SLC44A5: variants seen among roughly 807,000 people sequenced by gnomAD.
The protein encoded by SLC44A5 is solute carrier family 44 member 5.
A neutral mutation model predicts 101.8 loss-of-function variants in SLC44A5; 57 were observed. The observed-to-expected ratio is 0.56, with a 90% confidence interval of 0.45 to 0.70. The LOEUF (loss-of-function observed/expected upper bound fraction) is 0.70. SLC44A5 is among the 30% of genes least tolerant of loss of function. The pLI is 0.00. For synonymous variants in SLC44A5, 281 were observed against 290.9 expected (o/e 0.97, Z 0.35); for missense variants, 737 against 853.1 (o/e 0.86, Z 1.70).
chr1:75,238,430 A>G, intron 10 of SLC44A5, 83 bp downstream of exon 10: 1 of 728,904 alleles, frequency 1.4e-6, no homozygotes, highest in Non-Finnish European at 2.0e-6. Flanking sequence ...ATTTTCCTAT[A>G]ACCCTTAACC....
At chr1:75,280,607 T>C (rs1652455032) in intron 5 of SLC44A5, among the ~76,000 whole-genome samples, 1 of 149,516 alleles carries the variant, frequency 6.7e-6, no homozygotes, top group Admixed American at 6.9e-5. Context: ...AATCTCATCT[T>C]GAATTGTTAT....
the SLC44A5 span, among the ~76,000 whole-genome samples, chr1:75,697,061 A>G: frequency 6.6e-6 from 1 of 152,184 alleles, no homozygotes; most frequent in Non-Finnish European, 1.5e-5. Flanking sequence ...AGCTCATCAA[A>G]ATATGAGCCT....
At chr1:75,518,537 G>T (rs1236708186) in intron 2 of SLC44A5, among the ~76,000 whole-genome samples, 8 of 152,072 alleles carry the variant, frequency 5.3e-5, no homozygotes, top group African/African-American at 1.9e-4. Context: ...GTACTCAATA[G>T]ATGTTGCTAA....
chr1:75,413,162 C>T (rs1913119), intron 2 of SLC44A5, among the ~76,000 whole-genome samples: 5,032 of 152,050 alleles, frequency 0.033, 284 homozygotes, highest in African/African-American at 0.12. Context: ...CTTACTGTGC[C>T]TAATTTATGA....
chr1:75,601,891 A>C (rs950685659), intron 1 of SLC44A5, among the ~76,000 whole-genome samples: 5 of 152,166 alleles, frequency 3.3e-5, no homozygotes, highest in Non-Finnish European at 5.9e-5. Flanking sequence ...CAAAACAAAC[A>C]AAAACTCAAT....
chr1:75,292,363 C>T (rs141873367), intron 5 of SLC44A5, among the ~76,000 whole-genome samples: 188 of 152,220 alleles, frequency 1.2e-3, no homozygotes, highest in African/African-American at 4.2e-3. Context: ...ACATGTAATA[C>T]TCATTAACAT....
At chr1:75,236,777 G>T (rs116331078) in intron 11 of SLC44A5, among the ~76,000 whole-genome samples, 3,359 of 152,012 alleles carry the variant, frequency 0.022, 102 homozygotes, top group African/African-American at 0.071. Flanking sequence ...TTTACACTCT[G>T]CCAACAGTGG....
intron 1 of SLC44A5, among the ~76,000 whole-genome samples, chr1:75,580,634 T>C (rs1035137300): frequency 6.6e-6 from 1 of 151,394 alleles, no homozygotes; most frequent in Non-Finnish European, 1.5e-5. Flanking sequence ...AGACCAGGAG[T>C]TCGAGACCAG....
At chr1:75,383,561 A>G (rs1421869472) in intron 3 of SLC44A5, among the ~76,000 whole-genome samples, 2 of 152,162 alleles carry the variant, frequency 1.3e-5, no homozygotes, top group Non-Finnish European at 2.9e-5. Context: ...CTATGTGAAA[A>G]GACCAAATCT....
the SLC44A5 span, among the ~76,000 whole-genome samples, chr1:75,619,136 G>A: frequency 3.3e-5 from 5 of 150,012 alleles, no homozygotes; most frequent in Non-Finnish European, 5.9e-5. Flanking sequence ...AAGGGAGAGC[G>A]GGAAGGAGGC....
At chr1:75,270,638 T>A (rs1651391222) in intron 6 of SLC44A5, among the ~76,000 whole-genome samples, 1 of 152,054 alleles carries the variant, frequency 6.6e-6, no homozygotes, top group Non-Finnish European at 1.5e-5. Context: ...CCCCAGAAAC[T>A]GTAAGGGAAA....
At chr1:75,294,325 A>T (rs1653793712) in intron 5 of SLC44A5, among the ~76,000 whole-genome samples, 1 of 152,210 alleles carries the variant, frequency 6.6e-6, no homozygotes, top group Admixed American at 6.5e-5. Flanking sequence ...AAAAAAGACA[A>T]GAGATAAGTG....
chr1:75,543,614 C>CACATATATATACGTATATAT (rs1671477707), intron 1 of SLC44A5, among the ~76,000 whole-genome samples: 3 of 146,614 alleles, frequency 2.0e-5, no homozygotes, highest in Non-Finnish European at 4.5e-5. Flanking sequence ...TATATACACA[C>CACATATATATACGTATATAT]ACACATATAT....
intron 2 of SLC44A5, among the ~76,000 whole-genome samples, chr1:75,423,393 T>C (rs1664127714): frequency 1.3e-5 from 2 of 152,224 alleles, no homozygotes; most frequent in African/African-American, 4.8e-5. Context: ...AACAGAAATA[T>C]TGATCTAACA....
intron 3 of SLC44A5, among the ~76,000 whole-genome samples, chr1:75,364,944 C>G (rs1400572496): frequency 6.6e-6 from 1 of 151,772 alleles, no homozygotes; most frequent in East Asian, 1.9e-4. Context: ...ATAATTATTT[C>G]TATTTTTGTC....
chr1:75,292,803 A>T (rs1017326062), intron 5 of SLC44A5, among the ~76,000 whole-genome samples: 1 of 152,212 alleles, frequency 6.6e-6, no homozygotes, highest in Non-Finnish European at 1.5e-5. Flanking sequence ...GTTGAAGATC[A>T]TGGGGTTCTG....
intron 2 of SLC44A5, among the ~76,000 whole-genome samples, chr1:75,540,968 A>G (rs1671323705): frequency 6.6e-6 from 1 of 152,234 alleles, no homozygotes; most frequent in Non-Finnish European, 1.5e-5. Context: ...TTTCTGACAC[A>G]GTATTGTTTC....
At chr1:75,534,348 A>G (rs1302933249) in intron 2 of SLC44A5, among the ~76,000 whole-genome samples, 1 of 152,134 alleles carries the variant, frequency 6.6e-6, no homozygotes, top group Non-Finnish European at 1.5e-5. Context: ...TGACAGAACC[A>G]AGACCTAAGC....
intron 5 of SLC44A5, among the ~76,000 whole-genome samples, chr1:75,281,843 C>T (rs1374464683): frequency 6.6e-6 from 1 of 152,180 alleles, no homozygotes; most frequent in African/African-American, 2.4e-5. Flanking sequence ...ACCTAGATTT[C>T]AGAGGATGTA....
Sources: gnomAD v4.1 joint callset for allele counts (sites outside exome capture counted in the v4.1 genomes callset) on GRCh38, gnomAD v4.1.1 for gene constraint, MANE v1.5 for transcripts, NCBI Gene and HGNC (gene_info 2026-07-23, HGNC 2026-07-21) for gene names.